SRCIN1: variants seen among roughly 807,000 people sequenced by gnomAD.
SRCIN1 encodes the protein P130Cas-associated protein.
A neutral mutation model predicts 116.2 loss-of-function variants in SRCIN1; 50 were observed. That is an observed-to-expected ratio of 0.43 (90% CI 0.34 to 0.54). The LOEUF (loss-of-function observed/expected upper bound fraction) is 0.54, where lower values mean the gene tolerates loss of function less well. Ranked by LOEUF, SRCIN1 falls within the 20% of genes least tolerant of loss-of-function variation. The pLI is 0.02. For missense variants in SRCIN1, 1,446 were observed against 1,672.0 expected (o/e 0.86, Z 2.36); for synonymous variants, 736 against 750.0 (o/e 0.98, Z 0.30).
intron 1 of SRCIN1, among the ~76,000 whole-genome samples, chr17:38,591,388 C>G (rs1286736108): frequency 6.6e-6 from 1 of 152,196 alleles, no homozygotes. Flanking sequence ...TCAGGTCCTT[C>G]CTGTGTGGCC....
In SRCIN1 at chr17:38,552,876, T is replaced by C. The variant is rs1905534419; in HGVS notation, c.2202-21A>G. 3 of 1,604,736 alleles carry C rather than the reference T, an allele frequency of 1.9e-6. No individual in the cohort carries two copies. Among genetic ancestry groups the C allele is most frequent in the Non-Finnish European group, 2.6e-6 (3 of 1,174,894 alleles). On this transcript the variant is annotated intron_variant, in intron 11 of 18. Coordinates refer to ENST00000617146, the MANE Select transcript of SRCIN1 (RefSeq NM_025248.3). The surrounding 1 kb of genome is among the most constrained non-coding windows in gnomAD (Gnocchi z 5.3). ...GGTCACTGCAGCCACAGAGAGACCC[T>C]TTCAGCCCTTTTGGCCTGAGATGCC...
chr17:38,550,646 CCT>C (rs770827821), intron 15 of SRCIN1, among the ~76,000 whole-genome samples: 11 of 152,120 alleles, frequency 7.2e-5, no homozygotes, highest in Admixed American at 1.3e-4. Context: ...TAAAGCAAGC[CCT>C]GTCTTATTTC....
intron 1 of SRCIN1, among the ~76,000 whole-genome samples, chr17:38,593,780 G>T (rs770328331): frequency 4.6e-5 from 7 of 152,118 alleles, no homozygotes; most frequent in African/African-American, 9.7e-5. Flanking sequence ...GGGAGCACAG[G>T]TCTCTTCTAA....
Position 38,552,567 on chromosome 17 carries a change from A to G in SRCIN1, c.2360T>C (p.Met787Thr). ...KAHFPGLQSKMRVVLRVEVEA... is the reference protein window; with the variant it reads ...KAHFPGLQSKTRVVLRVEVEA... ...CACCTCCACGCGCAGCACCACCCGC[A>G]TCTTGCTCTGCAGGCCCGGGAAGTG... is the stretch of plus-strand genomic sequence containing the variant. The change falls in exon 13 of 19, where the codon ATG becomes ACG. Residue 787 changes from methionine to threonine, a missense_variant. Physicochemically the swap from Met to Thr is moderately conservative, Grantham distance 81 (BLOSUM62 -1). Coordinates refer to ENST00000617146, the MANE Select transcript of SRCIN1 (RefSeq NM_025248.3). This position sits in a 1 kb window ranked among gnomAD's most constrained non-coding sequence, Gnocchi z 5.3. The G allele has an allele frequency of 6.2e-7, 1 of 1,611,176 alleles. No homozygotes were observed. The highest frequency in any genetic ancestry group is 8.5e-7 in the Non-Finnish European group (1 of 1,178,920).
At chr17:38,598,018 G>A (rs1260275893) in intron 1 of SRCIN1, among the ~76,000 whole-genome samples, 1 of 152,076 alleles carries the variant, frequency 6.6e-6, no homozygotes, top group East Asian at 1.9e-4. Flanking sequence ...GAGAGAGGAA[G>A]CTCCAGGAAG....
intron 18 of SRCIN1, chr17:38,541,778 C>T (rs1030284541): frequency 4.6e-5 from 7 of 152,302 alleles, no homozygotes; most frequent in African/African-American, 1.7e-4. Flanking sequence ...CATGGTGAAA[C>T]CCCGTCTCTA....
chr17:38,595,773 C>T (rs1908696842), intron 1 of SRCIN1, among the ~76,000 whole-genome samples: 1 of 152,228 alleles, frequency 6.6e-6, no homozygotes, highest in South Asian at 2.1e-4. Flanking sequence ...CCAGCCCTAG[C>T]TTACATGGCG....
chr17:38,550,472 C>T (rs1055906622), intron 15 of SRCIN1, among the ~76,000 whole-genome samples: 4 of 151,582 alleles, frequency 2.6e-5, no homozygotes, highest in South Asian at 2.1e-4. Flanking sequence ...CCAGCCTGGG[C>T]GACAGAGACA....
chr17:38,601,307 CCCAGGGCGTGGATGGGGCT>C lies in SRCIN1; in HGVS notation c.22+4358_22+4376del, dbSNP rs551270615. Among the ~76,000 whole-genome samples, 23 of 152,264 alleles carry C rather than the reference CCCAGGGCGTGGATGGGGCT, an allele frequency of 1.5e-4. No individual in the cohort carries two copies. The East Asian group carries it at 4.5e-3, about 29-fold the overall frequency. ...GGGGTTTATAACATTGCAAAGGGGCCCCAGGGCGTGGATGGGGCTCCAGGCAGGCCCATCAGAGACATGG... is the reference window on the plus strand; with the variant it reads ...GGGGTTTATAACATTGCAAAGGGGCCCCAGGCAGGCCCATCAGAGACATGG... On this transcript the variant is annotated intron_variant, in intron 1 of 18. Coordinates refer to ENST00000617146, the MANE Select transcript of SRCIN1 (RefSeq NM_025248.3).
intron 18 of SRCIN1, chr17:38,542,947 C>T: frequency 2.5e-6 from 1 of 401,552 alleles, no homozygotes; most frequent in Non-Finnish European, 5.1e-6. Context: ...CACCCTCACA[C>T]CCAGAATGGG....
chr17:38,536,077 A>G lies in SRCIN1; in HGVS notation c.3418-2646T>C, dbSNP rs1236143078. Reference sequence around the variant, plus strand: ...CCCTTCTCCCCCCAACAGCCAGTGCAAGACCTTTAGACATCCAGCTTCACC... The same window carrying G: ...CCCTTCTCCCCCCAACAGCCAGTGCGAGACCTTTAGACATCCAGCTTCACC... On this transcript the variant is annotated intron_variant, in intron 18 of 18. Transcript: ENST00000617146. Among the ~76,000 whole-genome samples, 7 of 152,200 alleles carry G rather than the reference A, an allele frequency of 4.6e-5. No individual in the cohort carries two copies. In the East Asian group the frequency reaches 1.2e-3, roughly 25 times the overall value.
rs747583093 is a variant in SRCIN1 at position 38,552,585 on chromosome 17, G to A, written c.2342C>T (p.Pro781Leu). Residue 781 changes from proline (P) to leucine (L), a missense_variant, in exon 13 of 19, where the codon CCG becomes CTG. Coordinates refer to ENST00000617146, the MANE Select transcript of SRCIN1 (RefSeq NM_025248.3). This position sits in a 1 kb window ranked among gnomAD's most constrained non-coding sequence, Gnocchi z 5.3. ...CACCCGCATCTTGCTCTGCAGGCCC[G>A]GGAAGTGAGCTGAGGAGACAGGAAG... ...ETLTELKAHF[P>L]GLQSKMRVVL... 1.2e-5 allele frequency: 20 copies of A among 1,611,894 alleles called. No individual in the cohort carries two copies. Among genetic ancestry groups the A allele is most frequent in the Non-Finnish European group, 1.7e-5 (20 of 1,179,370 alleles).
chr17:38,551,952 C>G lies in SRCIN1; in HGVS notation c.2661G>C (p.Gly887=), dbSNP rs748064505. 5 of 1,614,060 alleles carry G rather than the reference C, an allele frequency of 3.1e-6. No individual in the cohort carries two copies. The highest frequency in any genetic ancestry group is 4.5e-5 in the East Asian group (2 of 44,888). ...PAEGASLTPK[G]GNPTKGLDTP... ...TGTCCAGGCCTTTGGTGGGGTTGCC[C>G]CCCTTGGGGGTAAGAGAGGCTCCTT... The change falls in exon 14 of 19, where the codon GGG becomes GGC. Residue 887 remains glycine (G), a synonymous_variant. Coordinates refer to ENST00000617146, the MANE Select transcript of SRCIN1 (RefSeq NM_025248.3).
At chr17:38,606,866 A>G (rs1909395724), upstream of SRCIN1, among the ~76,000 whole-genome samples, 2 of 152,154 alleles carry the variant, frequency 1.3e-5, no homozygotes, top group African/African-American at 4.8e-5. The surrounding 1 kb of genome is among the most constrained non-coding windows in gnomAD (Gnocchi z 5.2). Flanking sequence ...CCTCGCTCCG[A>G]TGCTCTGGCC....
In SRCIN1 at chr17:38,544,318, G is replaced by T. The variant is rs1259140880; in HGVS notation, c.3271-349C>A. ...CAGCAGCAACCCCACTCCCGGCAAG[G>T]GGCACCATCTGGACCTGGGTGCACA... On this transcript the variant is annotated intron_variant, in intron 17 of 18. Coordinates refer to ENST00000617146, the MANE Select transcript of SRCIN1 (RefSeq NM_025248.3). The surrounding 1 kb of genome is among the most constrained non-coding windows in gnomAD (Gnocchi z 4.5). Among the ~76,000 whole-genome samples, 1 of 152,088 alleles carries T rather than the reference G, an allele frequency of 6.6e-6. No homozygotes were observed. Among genetic ancestry groups the T allele is most frequent in the Non-Finnish European group, 1.5e-5 (1 of 67,980 alleles).
At chr17:38,599,635 C>T (rs745937100) in intron 1 of SRCIN1, among the ~76,000 whole-genome samples, 7 of 152,204 alleles carry the variant, frequency 4.6e-5, no homozygotes, top group Admixed American at 2.0e-4. Flanking sequence ...CCTACTACAG[C>T]GTGGGCCTGC....
rs181954546 is a variant in SRCIN1, at chr17:38,600,030, C to T, written c.22+5654G>A. Among the ~76,000 whole-genome samples, 20 of 152,312 alleles carry T rather than the reference C, an allele frequency of 1.3e-4. No individual in the cohort carries two copies. The South Asian group carries it at 3.1e-3, about 24-fold the overall frequency. ...TGTTTAGTATATGTCCGGCACTGTG[C>T]GGGATGTTTTCATCTGTTGTTTCAT... On this transcript the variant is annotated intron_variant, in intron 1 of 18. Transcript: ENST00000617146.
At position 38,560,039 on chromosome 17, in the gene SRCIN1, G is replaced by T; in HGVS notation, c.1837+15C>A. On this transcript the variant is annotated intron_variant, in intron 9 of 18. Coordinates refer to ENST00000617146, the MANE Select transcript of SRCIN1 (RefSeq NM_025248.3). ...TCGGAGAGAACAAGGATGGGGGAGG[G>T]GGAGGTTCACTCACGTGCTGAGGGG... 1 of 1,544,150 alleles carries T rather than the reference G, an allele frequency of 6.5e-7. No individual in the cohort carries two copies. The highest frequency in any genetic ancestry group is 8.8e-7 in the Non-Finnish European group (1 of 1,138,370).
intron 1 of SRCIN1, among the ~76,000 whole-genome samples, chr17:38,589,379 G>A (rs1390255349): frequency 5.2e-4 from 79 of 152,350 alleles, no homozygotes; most frequent in Admixed American, 5.0e-3. Flanking sequence ...TCTGGGGCTC[G>A]CTAAAGCGCC....
Sources: gnomAD v4.1 joint callset for allele counts (sites outside exome capture counted in the v4.1 genomes callset) on GRCh38, gnomAD v4.1.1 for gene constraint, Gnocchi (gnomAD v3.1) non-coding constraint, MANE v1.5 for transcripts, NCBI Gene and HGNC (gene_info 2026-07-23, HGNC 2026-07-21) for gene names.